The following MAGI1 variants were observed in gnomAD, a reference collection of about 807,000 sequenced individuals.
MAGI1 encodes the protein membrane-associated guanylate kinase, WW and PDZ domain-containing protein 1.
MAGI1 carries 58 observed loss-of-function variants against 139.9 expected under a neutral mutation model. The ratio of observed to expected loss-of-function variants is 0.41; its 90% CI spans 0.34 to 0.52. MAGI1 has a LOEUF of 0.52. MAGI1 is among the 20% of genes least tolerant of loss of function. MAGI1 has a pLI of 0.12. For synonymous variants in MAGI1, 812 were observed against 737.9 expected, an observed-to-expected ratio of 1.10 and a Z score of -1.63; for missense variants, 1,874 against 1,901.6, an observed-to-expected ratio of 0.99 and a Z score of 0.27.
At chr3:65,808,143 G>A (rs1023367949) in intron 1 of MAGI1, among the ~76,000 whole-genome samples, 3 of 151,250 alleles carry the variant, frequency 2.0e-5, no homozygotes, top group African/African-American at 7.3e-5. Context: ...TCGCCACCAC[G>A]CCCAGCTAAT....
chr3:65,508,032 A>C (rs1013023323), intron 2 of MAGI1, among the ~76,000 whole-genome samples: 1 of 152,194 alleles, frequency 6.6e-6, no homozygotes, highest in Non-Finnish European at 1.5e-5. Context: ...ACCCACACTG[A>C]CTTTAAAAAT....
chr3:65,760,457 T>C (rs9838560), intron 1 of MAGI1, among the ~76,000 whole-genome samples: 2,927 of 151,554 alleles, frequency 0.019, 84 homozygotes, highest in African/African-American at 0.067. Flanking sequence ...GGCACACTCA[T>C]AGCTCACAGC....
intron 1 of MAGI1, among the ~76,000 whole-genome samples, chr3:65,715,380 T>A (rs2032107363): frequency 6.6e-6 from 1 of 152,228 alleles, no homozygotes; most frequent in Non-Finnish European, 1.5e-5. Context: ...GTTTTAGTAA[T>A]ACAGGTGTAA....
chr3:65,581,822 T>G (rs2081437053), intron 2 of MAGI1, among the ~76,000 whole-genome samples: 1 of 152,206 alleles, frequency 6.6e-6, no homozygotes, highest in Non-Finnish European at 1.5e-5. Flanking sequence ...TTTGCGGTCC[T>G]TATCTAACTC....
intron 2 of MAGI1, among the ~76,000 whole-genome samples, chr3:65,515,751 G>A (rs952896933): frequency 1.3e-5 from 2 of 152,198 alleles, no homozygotes; most frequent in South Asian, 2.1e-4. Flanking sequence ...CATCAGAATT[G>A]TCACTTGTCA....
chr3:65,415,014 AAAAAAC>A (rs1559535161), intron 12 of MAGI1, among the ~76,000 whole-genome samples: 2 of 127,876 alleles, frequency 1.6e-5, no homozygotes, highest in African/African-American at 5.4e-5. Context: ...GGGAAAAAAA[AAAAAAC>A]AAAAAAAAAA....
intron 1 of MAGI1, among the ~76,000 whole-genome samples, chr3:65,695,908 C>T (rs1481151633): frequency 6.6e-6 from 1 of 152,148 alleles, no homozygotes; most frequent in Admixed American, 6.5e-5. Context: ...ACTCATCCTA[C>T]ATCACCTAAG....
intron 12 of MAGI1, chr3:65,402,002 G>A (rs1182122762): frequency 2.4e-5 from 14 of 571,986 alleles, no homozygotes; most frequent in Non-Finnish European, 3.1e-5. Flanking sequence ...TTATTTGGAT[G>A]AGCTCAATAC....
intron 1 of MAGI1, among the ~76,000 whole-genome samples, chr3:65,714,472 T>A (rs2107662064): frequency 6.6e-6 from 1 of 152,156 alleles, no homozygotes; most frequent in African/African-American, 2.4e-5. Flanking sequence ...CCCCTTCGAA[T>A]CACCCTCCTC....
chr3:65,814,332 C>A (rs1267565434), intron 1 of MAGI1, among the ~76,000 whole-genome samples: 2 of 152,048 alleles, frequency 1.3e-5, no homozygotes, highest in Non-Finnish European at 2.9e-5. Flanking sequence ...ACCTCAATGA[C>A]TGGTACACAA....
At chr3:65,370,141 C>G (rs1328761051) in intron 18 of MAGI1, among the ~76,000 whole-genome samples, 1 of 152,150 alleles carries the variant, frequency 6.6e-6, no homozygotes, top group African/African-American at 2.4e-5. Context: ...ACTCTAATTT[C>G]CAAAATGCTG....
intron 4 of MAGI1, among the ~76,000 whole-genome samples, chr3:65,471,199 C>A (rs1226959101): frequency 6.6e-6 from 1 of 152,116 alleles, no homozygotes; most frequent in Non-Finnish European, 1.5e-5. Context: ...ATACTTGAGT[C>A]TCCTTGCCTT....
chr3:65,364,809 G>A, intron 19 of MAGI1, 44 bp downstream of exon 19: 1 of 1,607,940 alleles, frequency 6.2e-7, no homozygotes, highest in Non-Finnish European at 8.5e-7. Flanking sequence ...CATGCTGGGA[G>A]TTACTTTTTT....
intron 2 of MAGI1, among the ~76,000 whole-genome samples, chr3:65,515,868 C>T (rs868838636): frequency 1.3e-5 from 2 of 152,198 alleles, no homozygotes; most frequent in Non-Finnish European, 2.9e-5. Context: ...CACTTACATG[C>T]TTCAGGTTAC....
intron 1 of MAGI1, among the ~76,000 whole-genome samples, chr3:66,007,378 T>C (rs2067081576): frequency 6.6e-6 from 1 of 152,198 alleles, no homozygotes; most frequent in South Asian, 2.1e-4. Context: ...AACAGAAGAA[T>C]TAGGAAGCCA....
In MAGI1 at chr3:65,429,879, T is replaced by C. The variant is rs146937131; in HGVS notation, c.1808A>G (p.Asn603Ser). 13 of 1,614,056 alleles carry C rather than the reference T, an allele frequency of 8.1e-6. No homozygotes were observed. Among genetic ancestry groups the C allele is most frequent in the South Asian group, 3.3e-5 (3 of 91,082 alleles). ...ASHSSKTGKV[N>S]GMKDARPSSP... ...GCTTGGCCTGGCATCCTTCATGCCA[T>C]TGACTTTGCCTGTTTTACTACTGTG... Residue 603 changes from asparagine to serine, a missense_variant, in exon 12 of 23, where the codon AAT becomes AGT. Asn to Ser is a conservative substitution (Grantham distance 46). Around this residue, in one of 5 missense-constraint regions of MAGI1, gnomAD observed 482 missense variants for 509.6 expected, o/e 0.95. Coordinates refer to ENST00000402939, the MANE Select transcript of MAGI1 (RefSeq NM_001033057.2).
At chr3:65,493,290 A>T (rs932891366) in intron 3 of MAGI1, among the ~76,000 whole-genome samples, 2 of 152,224 alleles carry the variant, frequency 1.3e-5, no homozygotes, top group African/African-American at 2.4e-5. Context: ...TAGGTAAATT[A>T]AAAAAGAAAA....
intron 1 of MAGI1, among the ~76,000 whole-genome samples, chr3:65,707,219 C>G (rs2030478353): frequency 6.6e-6 from 1 of 152,194 alleles, no homozygotes. Context: ...AAAAGTGAAC[C>G]TGCCATTTCA....
At chr3:65,950,106 A>AACAAACAAAAAAAAAC (rs796698272) in intron 1 of MAGI1, among the ~76,000 whole-genome samples, 1 of 84,202 alleles carries the variant, frequency 1.2e-5, no homozygotes, top group East Asian at 3.9e-4. Flanking sequence ...AAAAAAAAAA[A>AACAAACAAAAAAAAAC]CAGAACTAGC....
Sources: gnomAD v4.1 joint callset for allele counts (sites outside exome capture counted in the v4.1 genomes callset) on GRCh38, gnomAD v4.1.1 for gene constraint, gnomAD v4.1.1 regional missense constraint, MANE v1.5 for transcripts, NCBI Gene and HGNC (gene_info 2026-07-23, HGNC 2026-07-21) for gene names.